DDX19B: variants seen among roughly 807,000 people sequenced by gnomAD.
DDX19B encodes the protein DEAD-box helicase 19B.
Under a neutral mutation model 58.1 loss-of-function variants are expected in DDX19B, and 27 were observed. The ratio of observed to expected loss-of-function variants is 0.46; its 90% CI spans 0.34 to 0.64. DDX19B has a LOEUF of 0.64. DDX19B is among the 30% of genes least tolerant of loss of function. DDX19B has a pLI of 0.01. For missense variants in DDX19B, 399 were observed against 596.5 expected, an observed-to-expected ratio of 0.67 and a Z score of 3.45; for synonymous variants, 187 against 214.4, an observed-to-expected ratio of 0.87 and a Z score of 1.12.
upstream of DDX19B, chr16:70,295,167 G>A (rs1309083691): frequency 2.1e-6 from 2 of 941,318 alleles, no homozygotes; most frequent in Non-Finnish European, 2.8e-6. Flanking sequence ...CTTATTCCCC[G>A]AACACTCTTC....
At chr16:70,308,811 C>T (rs1269725903) in intron 1 of DDX19B, among the ~76,000 whole-genome samples, 1 of 148,682 alleles carries the variant, frequency 6.7e-6, no homozygotes, top group Non-Finnish European at 1.5e-5. Context: ...CTGTGCCCAG[C>T]TGTTTTTTTT....
At chr16:70,311,821 C>G (rs1409941258) in intron 1 of DDX19B, among the ~76,000 whole-genome samples, 1 of 152,012 alleles carries the variant, frequency 6.6e-6, no homozygotes, top group East Asian at 1.9e-4. Flanking sequence ...TTCCTACCCA[C>G]AGATGCTTTT....
At chr16:70,293,331 T>C (rs933700502), upstream of DDX19B, among the ~76,000 whole-genome samples, 1 of 147,394 alleles carries the variant, frequency 6.8e-6, no homozygotes, top group African/African-American at 2.5e-5. Flanking sequence ...GGTGGGAGGA[T>C]AGCTTGAGAC....
intron 7 of DDX19B, among the ~76,000 whole-genome samples, chr16:70,326,678 A>AG (rs978943156): frequency 1.3e-5 from 2 of 152,000 alleles, no homozygotes; most frequent in African/African-American, 4.8e-5. Context: ...CTGGGATTAC[A>AG]GGTGCCTGCC....
At chr16:70,319,126 G>A (rs969642591) in intron 5 of DDX19B, among the ~76,000 whole-genome samples, 6 of 152,016 alleles carry the variant, frequency 3.9e-5, no homozygotes, top group African/African-American at 1.4e-4. Context: ...AAAAAAAGGT[G>A]ACATATAAAT....
At chr16:70,312,775 C>T in intron 2 of DDX19B, 118 bp downstream of exon 2, 1 of 717,614 alleles carries the variant, frequency 1.4e-6, no homozygotes, top group East Asian at 2.7e-5. Flanking sequence ...TTGGCAGATA[C>T]TGGTACCATT....
At chr16:70,320,073 C>T (rs934850261) in intron 5 of DDX19B, among the ~76,000 whole-genome samples, 2 of 151,546 alleles carry the variant, frequency 1.3e-5, no homozygotes, top group African/African-American at 4.8e-5. Flanking sequence ...ACTGATTGAT[C>T]ATTTATATTT....
intron 7 of DDX19B, 150 bp downstream of exon 7, chr16:70,325,838 T>A: frequency 1.5e-6 from 1 of 668,820 alleles, no homozygotes; most frequent in South Asian, 1.9e-5. Flanking sequence ...ATATTTGCTT[T>A]ACATAAATGT....
chr16:70,310,143 G>A (rs903582291), intron 1 of DDX19B, among the ~76,000 whole-genome samples: 3 of 152,156 alleles, frequency 2.0e-5, no homozygotes, highest in South Asian at 2.1e-4. Context: ...AGCACTTTAG[G>A]AGGCCAAGGT....
rs763472554 is a variant in DDX19B, at chr16:70,325,737, T to G, written c.607+49T>G. 28 of 1,394,960 alleles carry G rather than the reference T, an allele frequency of 2.0e-5. No individual in the cohort carries two copies. In the East Asian group the frequency reaches 6.0e-4, roughly 30 times the overall value. The allele number at this position is 1,394,960 out of a possible 1,614,324, so 86.4% of individuals were successfully genotyped here. ...AATCATCAACCTAATTCTTTTTATT[T>G]TGAAATATTTCAAAACCCACCCAAT... On this transcript the variant is annotated intron_variant, in intron 7 of 11. Coordinates refer to ENST00000288071, the MANE Select transcript of DDX19B (RefSeq NM_007242.7).
rs75820607 is a variant in DDX19B at position 70,324,671 on chromosome 16, C to T, written c.476C>T (p.Ala159Val). 6.2e-7 allele frequency: 1 copy of T among 1,613,258 alleles called. No individual in the cohort carries two copies. Residue 159 changes from alanine (A) to valine (V), a missense_variant, in exon 6 of 12, where the codon GCA becomes GTA. Ala to Val is a moderately conservative substitution (Grantham distance 64, BLOSUM62 0). This residue lies in a region of DDX19B where 67 missense variants were observed against 74.3 expected (regional missense o/e 0.90). Transcript: ENST00000288071. The stretch of plus-strand genomic sequence containing the variant: ...GCCATGCTTAGCCAAGTAGAACCTG[C>T]AAACAAATACCCCCAGGTAAGGATT... ...VLAMLSQVEP[A>V]NKYPQCLCLS... is the part of the protein sequence containing the mutation.
chr16:70,332,979 G>A lies in DDX19B; in HGVS notation c.1198G>A (p.Glu400Lys), dbSNP rs1425822088. 1.2e-5 allele frequency: 19 copies of A among 1,613,512 alleles called. No individual in the cohort carries two copies. The highest frequency in any genetic ancestry group is 1.6e-5 in the Non-Finnish European group (19 of 1,179,836). The change falls in exon 11 of 12, where the codon GAA (glutamate) becomes AAA (lysine). Residue 400 changes from glutamate (E) to lysine (K), a missense_variant. By Grantham distance (56) the Glu-to-Lys change is moderately conservative. Around this residue, in one of 4 missense-constraint regions of DDX19B, gnomAD observed 198 missense variants for 345.9 expected, o/e 0.57. Coordinates refer to ENST00000288071, the MANE Select transcript of DDX19B (RefSeq NM_007242.7). ...TCTCCTTCCTGCAGGCATTGATGTT[G>A]AACAAGTGTCTGTCGTCATCAACTT... is the stretch of plus-strand genomic sequence containing the variant. ...TNVCARGIDV[E>K]QVSVVINFDL...
intron 6 of DDX19B, 78 bp downstream of exon 6, chr16:70,324,765 C>A: frequency 1.4e-6 from 2 of 1,423,060 alleles, no homozygotes; most frequent in East Asian, 2.4e-5. Context: ...AAAAGACAAG[C>A]TATGGGCTGG....
upstream of DDX19B, chr16:70,294,829 T>C (rs777433491): frequency 2.0e-6 from 3 of 1,485,724 alleles, no homozygotes; most frequent in Non-Finnish European, 2.7e-6. Context: ...GGAGTGTAAC[T>C]GCCATGCTCA....
intron 5 of DDX19B, among the ~76,000 whole-genome samples, chr16:70,323,413 CTTTT>C (rs993792389): frequency 6.6e-6 from 1 of 151,052 alleles, no homozygotes; most frequent in South Asian, 2.1e-4. Flanking sequence ...ACCTTGCCTG[CTTTT>C]TTTCTTTTTT....
upstream of DDX19B, chr16:70,294,868 TC>T: frequency 6.6e-7 from 1 of 1,525,454 alleles, no homozygotes; most frequent in Non-Finnish European, 8.7e-7. Context: ...GCCGGGCGCG[TC>T]CAAGATCGCG....
chr16:70,311,798 G>C (rs1228740545), intron 1 of DDX19B, among the ~76,000 whole-genome samples: 6 of 151,954 alleles, frequency 3.9e-5, no homozygotes, highest in Non-Finnish European at 8.8e-5. Flanking sequence ...AACGTATCCT[G>C]CAGTATGACT....
upstream of DDX19B, chr16:70,290,030 G>T (rs911956004): frequency 3.5e-6 from 1 of 288,776 alleles, no homozygotes; most frequent in Non-Finnish European, 7.0e-6. Context: ...TCAGCATCTG[G>T]TCCTCGATTT....
At chr16:70,308,250 G>T (rs952070357) in intron 1 of DDX19B, among the ~76,000 whole-genome samples, 2 of 148,914 alleles carry the variant, frequency 1.3e-5, no homozygotes, top group Admixed American at 1.4e-4. Context: ...ACCACACCCG[G>T]TCTATTTATT....
Sources: allele counts gnomAD v4.1 joint callset (sites outside exome capture counted in the v4.1 genomes callset), GRCh38; gene constraint gnomAD v4.1.1; regional missense constraint gnomAD v4.1.1; transcripts MANE v1.5; gene names NCBI Gene and HGNC (gene_info 2026-07-23, HGNC 2026-07-21).